Variants in KIAA0319L observed in about 807,000 individuals in gnomAD.
KIAA0319L encodes the protein dyslexia-associated protein KIAA0319-like protein.
A neutral mutation model predicts 120.1 loss-of-function variants in KIAA0319L; 55 were observed. The ratio of observed to expected loss-of-function variants is 0.46; its 90% CI spans 0.37 to 0.57. The LOEUF is 0.57. Among genes scored for constraint, KIAA0319L ranks in the 20% least tolerant of loss-of-function variants. The pLI, the probability that KIAA0319L is intolerant of heterozygous loss-of-function variation, is 0.00. For synonymous variants in KIAA0319L, 398 were observed against 471.9 expected (o/e 0.84, Z 2.03); for missense variants, 1,049 against 1,255.3 (o/e 0.84, Z 2.48).
chr1:35,477,701 T>C (rs1007821366), intron 4 of KIAA0319L, among the ~76,000 whole-genome samples: 1 of 147,296 alleles, frequency 6.8e-6, no homozygotes, highest in Admixed American at 6.7e-5. Context: ...TACAGTGAGA[T>C]ATCATCTCAC....
At chr1:35,529,978 A>G (rs1410964210) in intron 2 of KIAA0319L, among the ~76,000 whole-genome samples, 3 of 146,748 alleles carry the variant, frequency 2.0e-5, no homozygotes, top group Admixed American at 6.8e-5. Context: ...TATATGTCAC[A>G]ATGCCTTTTT....
intron 2 of KIAA0319L, among the ~76,000 whole-genome samples, chr1:35,549,202 C>G (rs1012653138): frequency 2.0e-5 from 3 of 152,034 alleles, no homozygotes; most frequent in African/African-American, 4.8e-5. Context: ...AGGTGCCCAC[C>G]ACCACCAGCT....
chr1:35,554,700 A>G, intron 1 of KIAA0319L, 181 bp from the exon 2 acceptor site: 1 of 425,012 alleles, frequency 2.4e-6, no homozygotes, highest in Non-Finnish European at 4.2e-6. Context: ...AATTATCAGA[A>G]TAACAACACA....
chr1:35,467,833 C>G (rs181320350), intron 6 of KIAA0319L, among the ~76,000 whole-genome samples: 8 of 152,144 alleles, frequency 5.3e-5, no homozygotes, highest in Non-Finnish European at 7.4e-5. Flanking sequence ...GGACTACAGG[C>G]CTGCACCACC....
intron 3 of KIAA0319L, among the ~76,000 whole-genome samples, chr1:35,482,549 C>T (rs1010151740): frequency 6.2e-4 from 95 of 152,008 alleles, no homozygotes; most frequent in African/African-American, 2.2e-3. Context: ...CCTGCCTCAG[C>T]CTCCCGAGTA....
chr1:35,456,161 G>C lies in KIAA0319L; in HGVS notation c.1508C>G (p.Pro503Arg). ...TTGGTTGGGGCCTGCGTTGGCCACA[G>C]GGGGGTAATCCACAGCTTTGTTCAC... Reference protein sequence around the residue: ...LTVNKAVDYPPVANAGPNQVI... With the variant: ...LTVNKAVDYPRVANAGPNQVI... Residue 503 changes from proline (P) to arginine (R), a missense_variant, in exon 10 of 21, where the codon CCT (proline) becomes CGT (arginine). Physicochemically the swap from Pro to Arg is moderately radical, Grantham distance 103. Coordinates refer to ENST00000325722, the MANE Select transcript of KIAA0319L (RefSeq NM_024874.5). 1 of 1,613,176 alleles carries C rather than the reference G, an allele frequency of 6.2e-7. No individual in the cohort carries two copies. The highest frequency in any genetic ancestry group is 2.2e-5 in the East Asian group (1 of 44,836).
chr1:35,547,312 T>C (rs140250230), intron 2 of KIAA0319L, among the ~76,000 whole-genome samples: 14 of 149,696 alleles, frequency 9.4e-5, no homozygotes, highest in African/African-American at 3.2e-4. Flanking sequence ...TGGAATTACA[T>C]ATATACATTA....
intron 2 of KIAA0319L, among the ~76,000 whole-genome samples, chr1:35,531,439 C>T (rs906637105): frequency 1.3e-5 from 2 of 152,166 alleles, no homozygotes; most frequent in African/African-American, 2.4e-5. Context: ...CTATTGGGCC[C>T]CAGGGCAGGA....
chr1:35,449,761 A>ACATGCCATCTGGCTCTGTC (rs1641911820), intron 15 of KIAA0319L, 106 bp downstream of exon 15: 1 of 1,231,464 alleles, frequency 8.1e-7, no homozygotes, highest in African/African-American at 1.5e-5. Flanking sequence ...TTAAAGCTGG[A>ACATGCCATCTGGCTCTGTC]CATGCCATCT....
intron 2 of KIAA0319L, among the ~76,000 whole-genome samples, chr1:35,515,053 C>T (rs1469438552): frequency 6.6e-6 from 1 of 152,178 alleles, no homozygotes; most frequent in African/African-American, 2.4e-5. Context: ...TGGCTCACAC[C>T]TGTAATCCCA....
At chr1:35,487,466 G>T (rs2148343246) in intron 3 of KIAA0319L, among the ~76,000 whole-genome samples, 1 of 152,268 alleles carries the variant, frequency 6.6e-6, no homozygotes, top group African/African-American at 2.4e-5. Context: ...TGTTGGCCAG[G>T]CTGGTCTCTA....
chr1:35,471,042 T>C (rs1216394961), intron 5 of KIAA0319L, 82 bp from the exon 6 acceptor site: 2 of 819,080 alleles, frequency 2.4e-6, no homozygotes, highest in Non-Finnish European at 4.3e-6. Flanking sequence ...CAATAACAAA[T>C]CTCTTCTGAT....
intron 3 of KIAA0319L, among the ~76,000 whole-genome samples, chr1:35,498,611 A>G (rs933158183): frequency 1.3e-5 from 2 of 152,060 alleles, no homozygotes; most frequent in Admixed American, 1.3e-4. Context: ...CTCCAAATCA[A>G]GTAAGCCAGG....
At chr1:35,523,248 G>A (rs1387171807) in intron 2 of KIAA0319L, among the ~76,000 whole-genome samples, 1 of 152,028 alleles carries the variant, frequency 6.6e-6, no homozygotes, top group African/African-American at 2.4e-5. Flanking sequence ...TGAGGTTTCA[G>A]CTCAACCATT....
intron 15 of KIAA0319L, among the ~76,000 whole-genome samples, chr1:35,448,583 T>C (rs1451181872): frequency 6.6e-6 from 1 of 152,036 alleles, no homozygotes; most frequent in African/African-American, 2.4e-5. Flanking sequence ...GAAGCAGTGA[T>C]GCAATGAGGG....
chr1:35,473,873 G>C (rs917105), intron 5 of KIAA0319L, among the ~76,000 whole-genome samples: 50,208 of 152,018 alleles, frequency 0.33, 14,219 homozygotes, highest in East Asian at 0.78. Context: ...AAACCCAACT[G>C]GCTCAATTTC....
chr1:35,484,796 A>ATT (rs1644311011), intron 3 of KIAA0319L, among the ~76,000 whole-genome samples: 1 of 46,842 alleles, frequency 2.1e-5, no homozygotes, highest in African/African-American at 7.7e-5. Context: ...ATATATATAT[A>ATT]TATATATATA....
Position 35,443,007 on chromosome 1 carries a change from T to C in KIAA0319L, c.2678A>G (p.Asp893Gly). ...NTVTCQLNCS[D>G]HGHCDSFTKR... ...GGTGAACGAGTCACAGTGGCCATGG[T>C]CGGAACAGTTCAGCTGACATGCTGA... The change falls in exon 18 of 21, where the codon GAC becomes GGC. Residue 893 changes from aspartate to glycine, a missense_variant. Physicochemically the swap from Asp to Gly is moderately conservative, Grantham distance 94. Transcript: ENST00000325722. 6.2e-7 allele frequency: 1 copy of C among 1,614,094 alleles called. No individual in the cohort carries two copies. The highest frequency in any genetic ancestry group is 1.3e-5 in the African/African-American group (1 of 75,004).
At chr1:35,448,363 A>C in intron 15 of KIAA0319L, 31 bp from the exon 16 acceptor site, 1 of 1,601,188 alleles carries the variant, frequency 6.2e-7, no homozygotes, top group Non-Finnish European at 8.5e-7. Context: ...TCATGGCTTT[A>C]GAAGTAGGAG....
Sources: allele counts gnomAD v4.1 joint callset (sites outside exome capture counted in the v4.1 genomes callset), GRCh38; gene constraint gnomAD v4.1.1; transcripts MANE v1.5; gene names NCBI Gene and HGNC (gene_info 2026-07-23, HGNC 2026-07-21).